The following HHLA2 variants were observed in gnomAD, a reference collection of about 807,000 sequenced individuals.
The protein encoded by HHLA2 is HERV-H LTR-associating protein 2.
A neutral mutation model predicts 45.9 loss-of-function variants in HHLA2; 48 were observed. The observed-to-expected ratio is 1.05, with a 90% CI of 0.83 to 1.33. HHLA2 has a LOEUF of 1.33. Ranked by LOEUF, HHLA2 falls within the 40% of genes most tolerant of loss-of-function variation. The pLI, the probability that HHLA2 is intolerant of heterozygous loss-of-function variation, is 0.00. For missense variants in HHLA2, 462 were observed against 494.3 expected (o/e 0.93, Z 0.62); for synonymous variants, 161 against 173.9 (o/e 0.93, Z 0.59).
intron 2 of HHLA2, among the ~76,000 whole-genome samples, chr3:108,322,026 C>T (rs527952513): frequency 6.6e-6 from 1 of 152,272 alleles, no homozygotes; most frequent in Middle Eastern, 3.4e-3. Flanking sequence ...TTTTCACCCT[C>T]GCTTGCTTGC....
At chr3:108,366,806 C>T (rs1346943877) in intron 8 of HHLA2, among the ~76,000 whole-genome samples, 1 of 152,190 alleles carries the variant, frequency 6.6e-6, no homozygotes, top group African/African-American at 2.4e-5. Context: ...TCTGTGGGAT[C>T]AGTTGTGATA....
intron 8 of HHLA2, among the ~76,000 whole-genome samples, chr3:108,370,743 T>C (rs1029776490): frequency 7.9e-5 from 12 of 152,032 alleles, no homozygotes; most frequent in Non-Finnish European, 1.2e-4. Flanking sequence ...GAAGATGACA[T>C]GAATGAAACG....
chr3:108,320,291 T>G (rs2081177255), intron 2 of HHLA2, among the ~76,000 whole-genome samples: 1 of 152,238 alleles, frequency 6.6e-6, no homozygotes, highest in Non-Finnish European at 1.5e-5. Context: ...TCTTTTCCTT[T>G]TATTTTCTGC....
rs2082162997 is a variant in HHLA2, at chr3:108,371,145, A to G, written c.1109-4605A>G. On this transcript the variant is annotated intron_variant, in intron 8 of 10. Coordinates refer to ENST00000619531, the Ensembl canonical transcript of HHLA2. The stretch of plus-strand genomic sequence containing the variant: ...GCTGATCTCTTGGCAGAAACTCTAC[A>G]AGCCAGAAGAGAGTGGGGGCCAATA... 4.6e-5 allele frequency among the ~76,000 whole-genome samples: 7 copies of G among 152,252 alleles called. No homozygotes were observed. The South Asian group carries it at 1.4e-3, about 31-fold the overall frequency.
intron 7 of HHLA2, among the ~76,000 whole-genome samples, 164 bp downstream of exon 6, chr3:108,358,325 TCAAC>T (rs2107473230): frequency 6.6e-6 from 1 of 152,202 alleles, no homozygotes; most frequent in Non-Finnish European, 1.5e-5. Context: ...CCTCCCTCCT[TCAAC>T]CACACAAAAG....
rs148201309 is a variant in HHLA2 at position 108,368,788 on chromosome 3, G to A, written c.1108+6342G>A. Among the ~76,000 whole-genome samples, 1,024 of 152,122 alleles carry A rather than the reference G, an allele frequency of 6.7e-3. 6 individuals carry two copies. The highest frequency in any genetic ancestry group is 0.023 in the African/African-American group (944 of 41,486). ...ACTCTCACACAATAATAGTGGGAGA[G>A]TTTAACACCCCACTGTCAATATTAG... On this transcript the variant is annotated intron_variant, in intron 8 of 10. Coordinates refer to ENST00000619531, the Ensembl canonical transcript of HHLA2.
chr3:108,306,448 T>C (rs1005196996), intron 1 of HHLA2, among the ~76,000 whole-genome samples: 1 of 152,148 alleles, frequency 6.6e-6, no homozygotes, highest in Non-Finnish European at 1.5e-5. Flanking sequence ...GTCCTTGAAG[T>C]TTGGTAGAAT....
At chr3:108,304,054 C>T (rs186706354) in intron 1 of HHLA2, among the ~76,000 whole-genome samples, 1 of 152,168 alleles carries the variant, frequency 6.6e-6, no homozygotes, top group Non-Finnish European at 1.5e-5. Context: ...GGTGTGTATA[C>T]GCGTGTGTAG....
chr3:108,339,139 T>C (rs867274569), intron 3 of HHLA2, among the ~76,000 whole-genome samples: 14 of 152,318 alleles, frequency 9.2e-5, no homozygotes, highest in South Asian at 8.3e-4. Flanking sequence ...GTGATACAGG[T>C]CTAACAGTAG....
chr3:108,331,705 C>T (rs1167948349), intron 3 of HHLA2, among the ~76,000 whole-genome samples: 1 of 152,024 alleles, frequency 6.6e-6, no homozygotes, highest in African/African-American at 2.4e-5. Context: ...ACAAGCACAC[C>T]CATTTGCCCT....
chr3:108,325,574 T>C, intron 2 of HHLA2: 1 of 263,156 alleles, frequency 3.8e-6, no homozygotes, highest in Non-Finnish European at 7.4e-6. Context: ...TGGCAAAGTA[T>C]TGGCCTCCCC....
At chr3:108,316,484 G>C (rs1436510689) in intron 2 of HHLA2, among the ~76,000 whole-genome samples, 1 of 152,088 alleles carries the variant, frequency 6.6e-6, no homozygotes, top group Admixed American at 6.6e-5. Context: ...ATCCTTCCTT[G>C]ACTCCCCAGT....
At chr3:108,365,350 G>A (rs543136520) in intron 8 of HHLA2, among the ~76,000 whole-genome samples, 1 of 152,204 alleles carries the variant, frequency 6.6e-6, no homozygotes, top group East Asian at 1.9e-4. Context: ...TGCTCCATTG[G>A]TCTATGTATC....
intron 8 of HHLA2, among the ~76,000 whole-genome samples, chr3:108,370,160 C>A (rs901381217): frequency 1.3e-5 from 2 of 152,148 alleles, no homozygotes; most frequent in African/African-American, 4.8e-5. Context: ...CACAAGTATC[C>A]GCTGTTCTGC....
At chr3:108,341,012 G>A (rs1029626540) in intron 3 of HHLA2, among the ~76,000 whole-genome samples, 2 of 146,518 alleles carry the variant, frequency 1.4e-5, no homozygotes, top group Non-Finnish European at 3.0e-5. Context: ...GAGTGCAGGG[G>A]TGTAATCTTG....
At chr3:108,363,849 T>C (rs893844626) in intron 8 of HHLA2, among the ~76,000 whole-genome samples, 1 of 152,194 alleles carries the variant, frequency 6.6e-6, no homozygotes, top group Non-Finnish European at 1.5e-5. Flanking sequence ...AGTATATTCA[T>C]GGCTGGGAGC....
At chr3:108,356,411 T>C (rs931000983) in intron 6 of HHLA2, among the ~76,000 whole-genome samples, 1 of 152,140 alleles carries the variant, frequency 6.6e-6, no homozygotes, top group African/African-American at 2.4e-5. Context: ...ATCTTTTTTT[T>C]TCAGTCTTCT....
intron 7 of HHLA2, among the ~76,000 whole-genome samples, chr3:108,360,366 T>C (rs2081966909): frequency 1.3e-5 from 2 of 152,222 alleles, no homozygotes; most frequent in Admixed American, 6.5e-5. Flanking sequence ...ATTTTACAGA[T>C]AGAAGATTCA....
intron 3 of HHLA2, among the ~76,000 whole-genome samples, chr3:108,343,232 T>C (rs947463395): frequency 6.6e-6 from 1 of 152,176 alleles, no homozygotes; most frequent in East Asian, 1.9e-4. Flanking sequence ...AACTTACGTA[T>C]GGATTATGAG....
Sources: gnomAD v4.1 joint callset for allele counts (sites outside exome capture counted in the v4.1 genomes callset) on GRCh38, gnomAD v4.1.1 for gene constraint, MANE v1.5 for transcripts, NCBI Gene and HGNC (gene_info 2026-07-23, HGNC 2026-07-21) for gene names.